PHGDH: variants seen among roughly 807,000 people sequenced by gnomAD.
PHGDH encodes D-3-phosphoglycerate dehydrogenase.
Under a neutral mutation model 52.6 loss-of-function variants are expected in PHGDH, and 50 were observed. The observed-to-expected ratio is 0.95, with a 90% confidence interval of 0.76 to 1.20. The LOEUF (loss-of-function observed/expected upper bound fraction) is 1.20, where lower values mean the gene tolerates loss of function less well. PHGDH is among the 50% of genes most tolerant of loss of function. The probability of loss-of-function intolerance (pLI) is 0.00; values close to 1 mark genes in which losing one functional copy is unlikely to be tolerated. For missense variants in PHGDH, 630 were observed against 684.6 expected (o/e 0.92, Z 0.89); for synonymous variants, 271 against 280.5 (o/e 0.97, Z 0.34).
chr1:119,723,417 G>A lies in PHGDH; in HGVS notation c.332G>A (p.Cys111Tyr). Residue 111 changes from cysteine to tyrosine, a missense_variant, in exon 3 of 12, where the codon TGT (cysteine) becomes TAT (tyrosine). Transcript: ENST00000641023. ...GNSLSAAELT[C>Y]GMIMCLARQI... The stretch of plus-strand genomic sequence containing the variant: ...AGCCTCAGTGCCGCAGAACTCACTT[G>A]TGGAATGATCATGTGCCTGGCCAGG... 1 of 1,613,984 alleles carries A rather than the reference G, an allele frequency of 6.2e-7. No homozygotes were observed. Among genetic ancestry groups the A allele is most frequent in the Non-Finnish European group, 8.5e-7 (1 of 1,179,904 alleles).
At chr1:119,712,440 T>G in intron 1 of PHGDH, 1 of 415,656 alleles carries the variant, frequency 2.4e-6, no homozygotes, top group Non-Finnish European at 4.5e-6. Flanking sequence ...CAACTGGTCC[T>G]GCAGGCTGCT....
In PHGDH at chr1:119,737,246, G is replaced by A. The variant is rs1445772566; in HGVS notation, c.925G>A (p.Gly309Arg). Reference sequence around the variant, plus strand: ...TGTTCAGTTCGTGGACATGGTGAAGGGGAAATCTCTCACGGGGGTTGTAAG... The same window carrying A: ...TGTTCAGTTCGTGGACATGGTGAAGAGGAAATCTCTCACGGGGGTTGTAAG... ...IAVQFVDMVK[G>R]KSLTGVVNAQ... is the part of the protein sequence containing the mutation. Residue 309 changes from glycine to arginine, a missense_variant, in exon 8 of 12, where the codon GGG (glycine) becomes AGG (arginine). Gly to Arg is a moderately radical substitution (Grantham distance 125). Coordinates refer to ENST00000641023, the MANE Select transcript of PHGDH (RefSeq NM_006623.4). 4 of 1,613,936 alleles carry A rather than the reference G, an allele frequency of 2.5e-6. No individual in the cohort carries two copies. The Admixed American group carries it at 6.7e-5, about 27-fold the overall frequency.
intron 3 of PHGDH, among the ~76,000 whole-genome samples, chr1:119,725,517 G>A (rs1241530432): frequency 6.6e-6 from 1 of 152,206 alleles, no homozygotes; most frequent in Non-Finnish European, 1.5e-5. Flanking sequence ...TTACCTGCCT[G>A]ATGGGTCAGA....
At chr1:119,715,013 C>T (rs1650862135) in intron 1 of PHGDH, among the ~76,000 whole-genome samples, 1 of 152,190 alleles carries the variant, frequency 6.6e-6, no homozygotes, top group African/African-American at 2.4e-5. Flanking sequence ...TTGTTTGGAA[C>T]TCACATCTTA....
At chr1:119,741,746 G>A in intron 9 of PHGDH, 21 bp from the exon 10 acceptor site, 2 of 1,612,326 alleles carry the variant, frequency 1.2e-6, no homozygotes, top group African/African-American at 2.7e-5. Context: ...TGACCTCATG[G>A]TAGCTTCTCT....
At chr1:119,724,743 G>A (rs1164876964) in intron 3 of PHGDH, 1 of 455,108 alleles carries the variant, frequency 2.2e-6, no homozygotes, top group Admixed American at 2.4e-5. Context: ...GGAGGTGGAA[G>A]GAAAGGATTG....
intron 8 of PHGDH, chr1:119,739,629 A>G (rs1166674501): frequency 6.6e-6 from 1 of 152,230 alleles, no homozygotes; most frequent in African/African-American, 2.4e-5. Context: ...TTTGATTTGC[A>G]TCTTTCTAAG....
At position 119,721,296 on chromosome 1, in the gene PHGDH, A is replaced by G. The variant is rs1651150527; in HGVS notation, c.265A>G (p.Thr89Ala). Residue 89 changes from threonine to alanine, a missense_variant, in exon 2 of 12, where the codon ACA becomes GCA. Physicochemically the swap from Thr to Ala is moderately conservative, Grantham distance 58. Coordinates refer to ENST00000641023, the MANE Select transcript of PHGDH (RefSeq NM_006623.4). ...GGACAATGTGGATCTGGAGGCCGCA[A>G]CAAGGAAGGGCATCTTGGTTATGAA... ...GVDNVDLEAA[T>A]RKGILVMNTP... is the part of the protein sequence containing the mutation. 1 of 1,614,158 alleles carries G rather than the reference A, an allele frequency of 6.2e-7. No individual in the cohort carries two copies. Among genetic ancestry groups the G allele is most frequent in the Non-Finnish European group, 8.5e-7 (1 of 1,180,014 alleles).
chr1:119,718,970 G>A (rs979918221), intron 1 of PHGDH, among the ~76,000 whole-genome samples: 17 of 152,082 alleles, frequency 1.1e-4, no homozygotes, highest in African/African-American at 3.9e-4. Flanking sequence ...AATGTTTCCT[G>A]GAAGATAACT....
intron 5 of PHGDH, among the ~76,000 whole-genome samples, chr1:119,730,992 C>G (rs1393902974): frequency 6.6e-6 from 1 of 152,200 alleles, no homozygotes; most frequent in Non-Finnish European, 1.5e-5. Context: ...GGCACCCTCA[C>G]AGGAAATTTA....
At position 119,735,398 on chromosome 1, in the gene PHGDH, G is replaced by T; in HGVS notation, c.747G>T (p.Leu249=). ...ACGAAGGCGCCCTGCTCCGGGCCCT[G>T]CAGTCTGGCCAGTGTGCCGGGGCTG... The part of the protein sequence containing the change: ...IVDEGALLRA[L]QSGQCAGAAL... The change falls in exon 7 of 12, where the codon CTG becomes CTT. Residue 249 remains leucine, a synonymous_variant. Coordinates refer to ENST00000641023, the MANE Select transcript of PHGDH (RefSeq NM_006623.4). 1 of 1,614,114 alleles carries T rather than the reference G, an allele frequency of 6.2e-7. No homozygotes were observed. The highest frequency in any genetic ancestry group is 8.5e-7 in the Non-Finnish European group (1 of 1,180,038).
chr1:119,716,415 C>T (rs1287737288), intron 1 of PHGDH, among the ~76,000 whole-genome samples: 1 of 152,198 alleles, frequency 6.6e-6, no homozygotes, highest in Non-Finnish European at 1.5e-5. Context: ...TGTGCTTGTT[C>T]AGGGGCTACA....
chr1:119,742,127 G>A (rs1364393449), intron 10 of PHGDH: 3 of 571,960 alleles, frequency 5.2e-6, no homozygotes, highest in East Asian at 3.0e-5. Flanking sequence ...AATGGAGGCA[G>A]TAGAAGTGTC....
chr1:119,742,755 T>G (rs1571020466), intron 10 of PHGDH, 52 bp from the exon 11 acceptor site: 3 of 1,104,910 alleles, frequency 2.7e-6, no homozygotes, highest in African/African-American at 3.1e-5. Context: ...GAGAGGAGGG[T>G]GGACGTGGTG....
At chr1:119,715,028 T>C (rs1460334264) in intron 1 of PHGDH, among the ~76,000 whole-genome samples, 10 of 152,222 alleles carry the variant, frequency 6.6e-5, no homozygotes, top group Non-Finnish European at 1.5e-4. Context: ...ATCTTAAATA[T>C]ACCTAATATG....
chr1:119,716,324 GAA>G (rs1476156968), intron 1 of PHGDH, among the ~76,000 whole-genome samples: 4 of 151,656 alleles, frequency 2.6e-5, no homozygotes, highest in Non-Finnish European at 5.9e-5. Context: ...AGGGAAAAGT[GAA>G]GAGACTACAG....
At chr1:119,741,556 G>A (rs1652208238) in intron 9 of PHGDH, among the ~76,000 whole-genome samples, 1 of 152,152 alleles carries the variant, frequency 6.6e-6, no homozygotes, top group Non-Finnish European at 1.5e-5. Flanking sequence ...TCTCAGGGTG[G>A]TTAAAACATC....
intron 5 of PHGDH, chr1:119,727,500 G>C (rs763957202): frequency 3.4e-6 from 1 of 291,006 alleles, no homozygotes; most frequent in Non-Finnish European, 6.6e-6. Flanking sequence ...AGTACACCTC[G>C]GGAGAGAGAG....
chr1:119,730,447 C>G (rs587733574), intron 5 of PHGDH, among the ~76,000 whole-genome samples: 1 of 152,318 alleles, frequency 6.6e-6, no homozygotes, highest in East Asian at 1.9e-4. Flanking sequence ...AGTCTCCTCA[C>G]GGTAAACATC....
Sources: allele counts gnomAD v4.1 joint callset (sites outside exome capture counted in the v4.1 genomes callset), GRCh38; gene constraint gnomAD v4.1.1; transcripts MANE v1.5; gene names NCBI Gene and HGNC (gene_info 2026-07-23, HGNC 2026-07-21).